SAMD8: variants seen among roughly 807,000 people sequenced by gnomAD.
SAMD8 encodes the protein sphingomyelin synthase-related protein 1.
SAMD8 carries 20 observed loss-of-function variants against 42.0 expected under a neutral mutation model. The observed-to-expected ratio is 0.48, with a 90% confidence interval of 0.34 to 0.69. SAMD8 has a LOEUF of 0.69. Ranked by LOEUF, SAMD8 falls within the 30% of genes least tolerant of loss-of-function variation. The probability of loss-of-function intolerance (pLI) is 0.01; values close to 1 mark genes in which losing one functional copy is unlikely to be tolerated. For missense variants in SAMD8, 328 were observed against 511.6 expected (o/e 0.64, Z 3.46); for synonymous variants, 162 against 173.0 (o/e 0.94, Z 0.50).
intron 1 of SAMD8, among the ~76,000 whole-genome samples, chr10:75,135,076 A>C (rs1024897349): frequency 5.3e-5 from 8 of 152,106 alleles, no homozygotes; most frequent in Admixed American, 5.2e-4. Context: ...AAAAACAAAA[A>C]ACAAAAAACA....
intron 1 of SAMD8, among the ~76,000 whole-genome samples, chr10:75,146,516 C>G (rs981683157): frequency 6.6e-6 from 1 of 151,934 alleles, no homozygotes; most frequent in Non-Finnish European, 1.5e-5. Context: ...AAACTCCCAA[C>G]CTCAGGTGAT....
chr10:75,141,742 C>G (rs1485364958), intron 1 of SAMD8, among the ~76,000 whole-genome samples: 2 of 151,698 alleles, frequency 1.3e-5, no homozygotes, highest in African/African-American at 2.4e-5. Flanking sequence ...AGGGTTTCAC[C>G]GTGTTAGCCA....
rs377491998 is a variant in SAMD8, at chr10:75,127,284, A to C, written c.-16+15562A>C. Among the ~76,000 whole-genome samples the C allele has an allele frequency of 9.2e-5, 14 of 152,102 alleles. No homozygotes were observed. The East Asian group carries it at 1.9e-3, about 21-fold the overall frequency. On this transcript the variant is annotated intron_variant, in intron 1 of 5. Transcript: ENST00000542569. ...ATTTAGTATTTTATATTTGAGATTT[A>C]GTTCTTGCAGAAGTACAAGAGCCCT...
chr10:75,132,791 C>A lies in SAMD8; in HGVS notation c.-15-17723C>A, dbSNP rs560170352. ...ATCACTTGAGCCCAGGAGTTCAAGACCAGCCTGGGCATCCTAGGGAGACCC... is the reference window on the plus strand; with the variant it reads ...ATCACTTGAGCCCAGGAGTTCAAGAACAGCCTGGGCATCCTAGGGAGACCC... On this transcript the variant is annotated intron_variant, in intron 1 of 5. Coordinates refer to ENST00000542569, the MANE Select transcript of SAMD8 (RefSeq NM_001174156.2). 5.3e-5 allele frequency among the ~76,000 whole-genome samples: 8 copies of A among 151,810 alleles called. No individual in the cohort carries two copies. In the South Asian group the frequency reaches 1.7e-3, roughly 32 times the overall value.
Position 75,178,724 on chromosome 10 carries a change from A to C in SAMD8, c.*2032A>C, listed in dbSNP as rs1451862085. On this transcript the variant is annotated 3_prime_UTR_variant, in exon 6 of 6. Transcript: ENST00000542569. ...TGCATTCCAGCCCGGGCAAGGTAGC[A>C]AGACCCATTCTCTTAAAAACATGGC... is the stretch of plus-strand genomic sequence containing the variant. The C allele has an allele frequency of 1.3e-5, 2 of 152,262 alleles. No individual in the cohort carries two copies. The highest frequency in any genetic ancestry group is 4.8e-5 in the African/African-American group (2 of 41,440). 9.4% of individuals were successfully genotyped at this position (152,262 alleles called of 1,614,324 possible). A position where few individuals can be genotyped will look rare whatever the true frequency, so the allele number is the denominator to read the frequency against.
At chr10:75,170,038 A>T (rs560877677) in intron 4 of SAMD8, among the ~76,000 whole-genome samples, 1 of 152,308 alleles carries the variant, frequency 6.6e-6, no homozygotes, top group East Asian at 1.9e-4. Context: ...TATTTTGTGG[A>T]TTTGTTTTGG....
upstream of SAMD8, chr10:75,109,123 T>C: frequency 6.2e-7 from 1 of 1,608,326 alleles, no homozygotes; most frequent in South Asian, 1.1e-5. Context: ...GGCTTTGTCC[T>C]CTCCCCCCAG....
chr10:75,165,802 C>A (rs964792152), intron 3 of SAMD8, among the ~76,000 whole-genome samples: 1 of 151,384 alleles, frequency 6.6e-6, no homozygotes, highest in Non-Finnish European at 1.5e-5. Flanking sequence ...ATGAGGAGAC[C>A]CTGTCTCTAC....
intron 1 of SAMD8, chr10:75,103,999 C>G (rs1351522771): frequency 2.2e-6 from 3 of 1,355,706 alleles, no homozygotes; most frequent in South Asian, 2.3e-5. Context: ...CCACCATCTT[C>G]TGTGTGTCCG....
At chr10:75,148,889 G>A (rs1021083855) in intron 1 of SAMD8, among the ~76,000 whole-genome samples, 2 of 152,034 alleles carry the variant, frequency 1.3e-5, no homozygotes, top group East Asian at 3.9e-4. Flanking sequence ...AACATATATA[G>A]AGAAAAGTAT....
chr10:75,145,711 C>G (rs1840115000), intron 1 of SAMD8, among the ~76,000 whole-genome samples: 1 of 151,990 alleles, frequency 6.6e-6, no homozygotes, highest in Admixed American at 6.6e-5. Context: ...TAACATCATT[C>G]CCCCCCAAAG....
intron 2 of SAMD8, among the ~76,000 whole-genome samples, chr10:75,160,237 C>A (rs1039851336): frequency 2.0e-5 from 3 of 152,084 alleles, no homozygotes; most frequent in Admixed American, 1.3e-4. Flanking sequence ...TGCTCTGTCG[C>A]CCAGGCTGGA....
At chr10:75,113,302 CAT>C (rs1199176700) in intron 1 of SAMD8, among the ~76,000 whole-genome samples, 4 of 152,176 alleles carry the variant, frequency 2.6e-5, no homozygotes, top group Admixed American at 1.3e-4. Context: ...CCACATGTCT[CAT>C]ATGTTTTACA....
upstream of SAMD8, among the ~76,000 whole-genome samples, chr10:75,110,812 T>G (rs1848746636): frequency 6.6e-6 from 1 of 152,022 alleles, no homozygotes. Flanking sequence ...CCTTGCAGAA[T>G]TAGCACTAGG....
chr10:75,137,223 A>C (rs552454431), intron 1 of SAMD8, among the ~76,000 whole-genome samples: 157 of 152,218 alleles, frequency 1.0e-3, no homozygotes, highest in Admixed American at 2.7e-3. Flanking sequence ...TATACATAGA[A>C]GGGGATATTA....
chr10:75,163,067 T>C (rs2132194280), intron 2 of SAMD8, among the ~76,000 whole-genome samples: 1 of 151,878 alleles, frequency 6.6e-6, no homozygotes, highest in Admixed American at 6.5e-5. Flanking sequence ...TGTGACTACA[T>C]GTGCCTGCCA....
intron 1 of SAMD8, among the ~76,000 whole-genome samples, chr10:75,133,386 C>T (rs1404918850): frequency 1.3e-5 from 2 of 152,128 alleles, no homozygotes; most frequent in Non-Finnish European, 2.9e-5. Context: ...CTGGATTACA[C>T]AGTGAGACCC....
In SAMD8 at chr10:75,179,515, A is replaced by T. The variant is rs1589984741; in HGVS notation, c.*2823A>T. Reference sequence around the variant, plus strand: ...CAGACTGCAATGGGGATTGTAAAATAACTTTTCAGCCTTGCACTTGCTCAT... The same window carrying T: ...CAGACTGCAATGGGGATTGTAAAATTACTTTTCAGCCTTGCACTTGCTCAT... On this transcript the variant is annotated 3_prime_UTR_variant, in exon 6 of 6. Coordinates refer to ENST00000542569, the MANE Select transcript of SAMD8 (RefSeq NM_001174156.2). 3 of 152,374 alleles carry T rather than the reference A, an allele frequency of 2.0e-5. No individual in the cohort carries two copies. Among genetic ancestry groups the T allele is most frequent in the South Asian group, 4.1e-4 (2 of 4,834 alleles). The allele number at this position is 152,374 out of a possible 1,614,324, so 9.4% of individuals were successfully genotyped here.
At chr10:75,163,346 G>A (rs1373566469) in intron 2 of SAMD8, among the ~76,000 whole-genome samples, 1 of 152,184 alleles carries the variant, frequency 6.6e-6, no homozygotes, top group African/African-American at 2.4e-5. Context: ...GGCACCCAGA[G>A]ATGACCTATT....
Sources: allele counts gnomAD v4.1 joint callset (sites outside exome capture counted in the v4.1 genomes callset), GRCh38; gene constraint gnomAD v4.1.1; transcripts MANE v1.5; gene names NCBI Gene and HGNC (gene_info 2026-07-23, HGNC 2026-07-21).